Variants in DPP10 observed in about 807,000 individuals in gnomAD.
DPP10 encodes the protein dipeptidyl peptidase like 10, also known as inactive dipeptidyl peptidase 10.
A neutral mutation model predicts 120.9 loss-of-function variants in DPP10; 33 were observed. That is an observed-to-expected ratio of 0.27 (90% CI 0.21 to 0.37). The LOEUF is 0.37. DPP10 is among the 10% of genes least tolerant of loss of function. The pLI is 1.00. For synonymous variants in DPP10, 337 were observed against 326.1 expected, an observed-to-expected ratio of 1.03 and a Z score of -0.36; for missense variants, 816 against 942.8, an observed-to-expected ratio of 0.87 and a Z score of 1.76.
chr2:115,809,788 T>C (rs1374326684), intron 19 of DPP10, among the ~76,000 whole-genome samples: 4 of 152,206 alleles, frequency 2.6e-5, no homozygotes, highest in African/African-American at 9.6e-5. Context: ...CAACTGGTCG[T>C]CAGAAGTCCT....
At chr2:115,703,354 T>TA (rs2091968233) in intron 7 of DPP10, among the ~76,000 whole-genome samples, 1 of 152,012 alleles carries the variant, frequency 6.6e-6, no homozygotes, top group Non-Finnish European at 1.5e-5. Context: ...GTGTATCAGT[T>TA]AAAATTCTCC....
At chr2:114,444,099 C>T (rs908232258) in intron 1 of DPP10, among the ~76,000 whole-genome samples, 5 of 152,072 alleles carry the variant, frequency 3.3e-5, no homozygotes, top group African/African-American at 1.2e-4. Flanking sequence ...TGAAATCATG[C>T]AGAACTCATA....
chr2:115,493,915 A>T (rs1558752801), intron 3 of DPP10, among the ~76,000 whole-genome samples: 1 of 152,042 alleles, frequency 6.6e-6, no homozygotes, highest in Non-Finnish European at 1.5e-5. Context: ...AAAAACTAGG[A>T]ACAGAGAAAA....
chr2:115,618,652 A>G (rs2084706408), intron 5 of DPP10, among the ~76,000 whole-genome samples: 1 of 152,118 alleles, frequency 6.6e-6, no homozygotes, highest in East Asian at 1.9e-4. Flanking sequence ...ACACATACAA[A>G]TCCGTTTATA....
chr2:114,722,685 A>T (rs1036101985), intron 1 of DPP10, among the ~76,000 whole-genome samples: 1 of 143,858 alleles, frequency 7.0e-6, no homozygotes, highest in African/African-American at 2.6e-5. Flanking sequence ...CTGAGGCAGG[A>T]GAATGGCATG....
At chr2:115,527,894 A>C (rs1201859239) in intron 5 of DPP10, among the ~76,000 whole-genome samples, 1 of 152,176 alleles carries the variant, frequency 6.6e-6, no homozygotes, top group East Asian at 1.9e-4. Flanking sequence ...AAACTGGATC[A>C]TTCATACATT....
At chr2:115,715,803 A>G (rs187285925) in intron 7 of DPP10, among the ~76,000 whole-genome samples, 29 of 152,342 alleles carry the variant, frequency 1.9e-4, no homozygotes, top group Admixed American at 1.8e-3. Context: ...AATAGCAAAT[A>G]TATATTTACA....
chr2:114,880,713 G>A (rs13000828), intron 1 of DPP10, among the ~76,000 whole-genome samples: 56,191 of 151,954 alleles, frequency 0.37, 11,061 homozygotes, highest in South Asian at 0.49. Context: ...TATACAAAAT[G>A]TGCCAAGTTT....
intron 1 of DPP10, among the ~76,000 whole-genome samples, chr2:115,048,402 C>A (rs778733624): frequency 6.6e-6 from 1 of 152,076 alleles, no homozygotes; most frequent in Non-Finnish European, 1.5e-5. Flanking sequence ...TATAACTTAG[C>A]TTGCACTGGC....
chr2:115,659,310 A>G (rs1182199366), intron 5 of DPP10, among the ~76,000 whole-genome samples: 2 of 152,136 alleles, frequency 1.3e-5, no homozygotes, highest in African/African-American at 4.8e-5. Flanking sequence ...GAACTAAGAC[A>G]CATAGTGAGC....
At position 115,525,915 on chromosome 2, in the gene DPP10, A is replaced by C; in HGVS notation, c.384A>C (p.Ser128=). Residue 128 remains serine, a synonymous_variant, in exon 5 of 26, where the codon TCA becomes TCC. Transcript: ENST00000410059. ...ENTTFVTFKA[S]RHSVSPDLKY... ...TTTTCTAGGTAACCTTCAAAGCATC[A>C]AGACATTCAGTTTCACCAGATTTAA... 6.2e-7 allele frequency: 1 copy of C among 1,609,564 alleles called. No individual in the cohort carries two copies. Among genetic ancestry groups the C allele is most frequent in the South Asian group, 1.1e-5 (1 of 90,430 alleles).
chr2:114,791,603 A>G (rs1214347784), intron 1 of DPP10, among the ~76,000 whole-genome samples: 2 of 152,210 alleles, frequency 1.3e-5, no homozygotes, highest in East Asian at 3.9e-4. Flanking sequence ...AATCTTATGT[A>G]AGAAGTCTTC....
In DPP10 at chr2:115,479,665, G is replaced by A. The variant is rs560565022; in HGVS notation, c.272-19845G>A. On this transcript the variant is annotated intron_variant, in intron 3 of 25. Coordinates refer to ENST00000410059, the MANE Select transcript of DPP10 (RefSeq NM_020868.6). ...CATGTATATATATATATAAATTTTT[G>A]ATGTGATAAAATATGGTCTCCCATA... 8.6e-5 allele frequency among the ~76,000 whole-genome samples: 13 copies of A among 152,010 alleles called. 1 individual carries two copies. The South Asian group carries it at 2.1e-3, about 24-fold the overall frequency.
intron 1 of DPP10, among the ~76,000 whole-genome samples, chr2:115,115,173 C>G (rs947168654): frequency 6.6e-6 from 1 of 152,086 alleles, no homozygotes; most frequent in African/African-American, 2.4e-5. Context: ...GTTTCTTCAT[C>G]ATTTTGCCAA....
rs1690257378 is a variant in DPP10, at chr2:114,866,622, A to C, written c.60+423784A>C. Among the ~76,000 whole-genome samples, 3 of 152,208 alleles carry C rather than the reference A, an allele frequency of 2.0e-5. No homozygotes were observed. In the South Asian group the frequency reaches 6.2e-4, roughly 32 times the overall value. Reference sequence around the variant, plus strand: ...AATAGTCAAGGCAGCTGAGGTTTAGAGATGTTAAGTAATTTGCCCAAGGTC... The same window carrying C: ...AATAGTCAAGGCAGCTGAGGTTTAGCGATGTTAAGTAATTTGCCCAAGGTC... On this transcript the variant is annotated intron_variant, in intron 1 of 25. Coordinates refer to ENST00000410059, the MANE Select transcript of DPP10 (RefSeq NM_020868.6).
At chr2:114,763,811 C>T (rs1250749145) in intron 1 of DPP10, among the ~76,000 whole-genome samples, 1 of 152,168 alleles carries the variant, frequency 6.6e-6, no homozygotes, top group Non-Finnish European at 1.5e-5. Context: ...GATAGATTTT[C>T]AGTCAAGCTT....
chr2:115,817,102 C>G (rs6761742), intron 21 of DPP10, among the ~76,000 whole-genome samples: 146,918 of 151,660 alleles, frequency 0.97, 71,366 homozygotes, highest in East Asian at 1. Context: ...CTAAAAATTA[C>G]CCGGGCGTGG....
At chr2:114,942,003 G>A (rs571216933) in intron 1 of DPP10, among the ~76,000 whole-genome samples, 2 of 152,130 alleles carry the variant, frequency 1.3e-5, no homozygotes, top group Non-Finnish European at 2.9e-5. Flanking sequence ...GCCGGGTGCG[G>A]TGGCTCATGC....
rs1282670201 is a variant in DPP10 at position 114,803,955 on chromosome 2, A to G, written c.60+361117A>G. Among the ~76,000 whole-genome samples, 13 of 152,228 alleles carry G rather than the reference A, an allele frequency of 8.5e-5. No homozygotes were observed. The East Asian group carries it at 2.5e-3, about 29-fold the overall frequency. On this transcript the variant is annotated intron_variant, in intron 1 of 25. Transcript: ENST00000410059. ...AGGCCATGTCAGAGATCTTCACAGC[A>G]GCCCTTCCCATCACAGGCCCGGAGG...
Sources: allele counts gnomAD v4.1 joint callset (sites outside exome capture counted in the v4.1 genomes callset), GRCh38; gene constraint gnomAD v4.1.1; transcripts MANE v1.5; gene names NCBI Gene and HGNC (gene_info 2026-07-23, HGNC 2026-07-21).